The following ACOT8 variants were observed in gnomAD, a reference collection of about 807,000 sequenced individuals.
The protein encoded by ACOT8 is acyl-CoA thioesterase 8.
In ACOT8, 31 loss-of-function variants were observed where a neutral mutation model predicts 38.4. The ratio of observed to expected loss-of-function variants is 0.81; its 90% CI spans 0.61 to 1.09. The LOEUF is 1.09. Among genes scored for constraint, ACOT8 ranks in the 50% least tolerant of loss-of-function variants. The pLI, the probability that ACOT8 is intolerant of heterozygous loss-of-function variation, is 0.00. For missense variants in ACOT8, 373 were observed against 421.8 expected, an observed-to-expected ratio of 0.88 and a Z score of 1.01; for synonymous variants, 158 against 170.3, an observed-to-expected ratio of 0.93 and a Z score of 0.56.
At chr20:45,854,656 G>A (rs915404093) in intron 2 of ACOT8, among the ~76,000 whole-genome samples, 2 of 152,154 alleles carry the variant, frequency 1.3e-5, no homozygotes, top group Admixed American at 1.3e-4. Flanking sequence ...ACCTCACAAG[G>A]CTGCATGGTA....
intron 2 of ACOT8, chr20:45,854,058 ATTTTCCT>A: frequency 2.1e-6 from 2 of 944,416 alleles, no homozygotes; most frequent in South Asian, 1.9e-5. Flanking sequence ...TTTTGCTTTT[ATTTTCCT>A]TTTATTTATT....
At position 45,855,208 on chromosome 20, in the gene ACOT8, C is replaced by T. The variant is rs1985333925; in HGVS notation, c.213G>A (p.Val71=). The change falls in exon 2 of 6, where the codon GTG becomes GTA. Residue 71 remains valine (V), a synonymous_variant. Coordinates refer to ENST00000217455, the MANE Select transcript of ACOT8 (RefSeq NM_005469.4). ...GGGAGTGCACGTGGACGTCTTCACTCACAGACTTGGCTGCAGCCACCAGGG... is the reference window on the plus strand; with the variant it reads ...GGGAGTGCACGTGGACGTCTTCACTTACAGACTTGGCTGCAGCCACCAGGG... ...GQALVAAAKS[V]SEDVHVHSLH... is the part of the protein sequence containing the mutation. 1 of 1,614,148 alleles carries T rather than the reference C, an allele frequency of 6.2e-7. No individual in the cohort carries two copies. The highest frequency in any genetic ancestry group is 8.5e-7 in the Non-Finnish European group (1 of 1,179,990).
chr20:45,844,220 C>T, intron 4 of ACOT8, 43 bp downstream of exon 4: 1 of 1,613,234 alleles, frequency 6.2e-7, no homozygotes. Flanking sequence ...GAGTGGTAGA[C>T]CCCTTGGAGA....
chr20:45,843,319 T>C, intron 5 of ACOT8: 1 of 779,306 alleles, frequency 1.3e-6, no homozygotes, highest in Non-Finnish European at 2.2e-6. Context: ...TGAATCACAT[T>C]TCCAGCACAT....
At chr20:45,856,486 C>T (rs917539152) in intron 1 of ACOT8, among the ~76,000 whole-genome samples, 1 of 151,886 alleles carries the variant, frequency 6.6e-6, no homozygotes, top group East Asian at 1.9e-4. Context: ...TCGAGACCAG[C>T]CTGGCCAACA....
chr20:45,843,047 T>G (rs776619084), intron 5 of ACOT8: 38 of 1,150,424 alleles, frequency 3.3e-5, no homozygotes, highest in Non-Finnish European at 3.8e-5. Context: ...TCAGAATCAC[T>G]TAGAGAACTT....
intron 1 of ACOT8, 63 bp from the exon 2 acceptor site, chr20:45,855,355 T>G: frequency 6.3e-7 from 1 of 1,585,144 alleles, no homozygotes; most frequent in Non-Finnish European, 8.6e-7. Flanking sequence ...CTACCCTCAC[T>G]AAGACTCTAA....
Position 45,841,828 on chromosome 20 carries a change from G to T in ACOT8, c.*10C>A. On this transcript the variant is annotated 3_prime_UTR_variant, in exon 6 of 6. Transcript: ENST00000217455. ...GTTCTTGAAGCCCCAGGCGAAGCTGGTACCTCTGGCTACAGCTTGCTCTCT... is the reference window on the plus strand; with the variant it reads ...GTTCTTGAAGCCCCAGGCGAAGCTGTTACCTCTGGCTACAGCTTGCTCTCT... 3 of 1,594,782 alleles carry T rather than the reference G, an allele frequency of 1.9e-6. No homozygotes were observed. The highest frequency in any genetic ancestry group is 2.6e-6 in the Non-Finnish European group (3 of 1,173,508).
At chr20:45,848,405 A>G in intron 3 of ACOT8, 45 bp downstream of exon 3, 1 of 1,483,432 alleles carries the variant, frequency 6.7e-7, no homozygotes, top group Non-Finnish European at 9.1e-7. Flanking sequence ...AACAGATAGC[A>G]GCTGCATTTT....
intron 3 of ACOT8, chr20:45,847,709 A>C (rs1435863740): frequency 4.7e-5 from 7 of 149,714 alleles, no homozygotes; most frequent in African/African-American, 1.7e-4. Flanking sequence ...CAGCCTGGGC[A>C]ACAAGAGCAA....
chr20:45,857,071 G>A (rs1985500607), intron 1 of ACOT8, 117 bp downstream of exon 1: 2 of 1,237,850 alleles, frequency 1.6e-6, no homozygotes, highest in African/African-American at 1.5e-5. Context: ...AATCGTGGCA[G>A]AGGGTGCATC....
intron 2 of ACOT8, among the ~76,000 whole-genome samples, chr20:45,853,028 C>T (rs1180729984): frequency 6.6e-6 from 1 of 152,196 alleles, no homozygotes; most frequent in Non-Finnish European, 1.5e-5. Context: ...CTCGGCTTCC[C>T]AAAGTGCTAG....
chr20:45,847,977 A>G (rs1250452718), intron 3 of ACOT8: 1 of 151,612 alleles, frequency 6.6e-6, no homozygotes. Flanking sequence ...GGGTTTCACC[A>G]TGTTGCCCAG....
At position 45,857,208 on chromosome 20, in the gene ACOT8, C is replaced by G; in HGVS notation, c.108G>C (p.Pro36=). The G allele has an allele frequency of 6.2e-7, 1 of 1,613,160 alleles. No homozygotes were observed. ...VLVTTVLNLE[P]LDEDLFRGRH... is the part of the protein sequence containing the mutation. Reference sequence around the variant, plus strand: ...GCTACCTGAAGAGATCCTCGTCCAGCGGCTCGAGGTTGAGCACGGTCGTGA... The same window carrying G: ...GCTACCTGAAGAGATCCTCGTCCAGGGGCTCGAGGTTGAGCACGGTCGTGA... Residue 36 remains proline, a synonymous_variant, in exon 1 of 6, where the codon CCG becomes CCC. Transcript: ENST00000217455.
intron 4 of ACOT8, 137 bp from the exon 5 acceptor site, chr20:45,843,858 G>T: frequency 6.9e-7 from 1 of 1,447,128 alleles, no homozygotes; most frequent in Non-Finnish European, 9.1e-7. Flanking sequence ...TACAGTGTGT[G>T]TGTGTGATAG....
At chr20:45,842,577 CTT>C (rs140016680) in intron 5 of ACOT8, 37,782 of 995,076 alleles carry the variant, frequency 0.038, 814 homozygotes, top group Non-Finnish European at 0.041. Context: ...TCTGGAGACT[CTT>C]TCTCCCTTGC....
chr20:45,845,642 G>A (rs1197954393), intron 3 of ACOT8, among the ~76,000 whole-genome samples: 3 of 152,158 alleles, frequency 2.0e-5, no homozygotes, highest in Admixed American at 6.6e-5. Context: ...CACCCATAGT[G>A]CTCTGCACAG....
At chr20:45,851,009 T>C (rs144078605) in intron 2 of ACOT8, among the ~76,000 whole-genome samples, 3 of 152,330 alleles carry the variant, frequency 2.0e-5, no homozygotes, top group East Asian at 3.9e-4. Flanking sequence ...AGGCTGACCT[T>C]GAGGAACCCT....
chr20:45,843,296 C>A, intron 5 of ACOT8: 1 of 718,270 alleles, frequency 1.4e-6, no homozygotes. Flanking sequence ...AGAACTGGGT[C>A]CCTGGGAGAA....
Sources: allele counts gnomAD v4.1 joint callset (sites outside exome capture counted in the v4.1 genomes callset), GRCh38; gene constraint gnomAD v4.1.1; transcripts MANE v1.5; gene names NCBI Gene and HGNC (gene_info 2026-07-23, HGNC 2026-07-21).